The following IPCEF1 variants were observed in gnomAD, a reference collection of about 807,000 sequenced individuals.
IPCEF1 encodes interactor protein for cytohesin exchange factors 1.
In IPCEF1, 31 loss-of-function variants were observed where a neutral mutation model predicts 50.9. That is an observed-to-expected ratio of 0.61 (90% CI 0.46 to 0.82). IPCEF1 has a LOEUF of 0.82. IPCEF1 is among the 40% of genes least tolerant of loss of function. The probability of loss-of-function intolerance (pLI) is 0.00; values close to 1 mark genes in which losing one functional copy is unlikely to be tolerated. For missense variants in IPCEF1, 458 were observed against 514.0 expected, an observed-to-expected ratio of 0.89 and a Z score of 1.05; for synonymous variants, 181 against 192.0, an observed-to-expected ratio of 0.94 and a Z score of 0.47.
chr6:154,328,593 T>A (rs1039708243), intron 1 of IPCEF1, among the ~76,000 whole-genome samples: 126 of 145,646 alleles, frequency 8.7e-4, no homozygotes, highest in Non-Finnish European at 1.5e-3. Context: ...AAAAGAAAAT[T>A]AAAAAAAAAA....
intron 9 of IPCEF1, among the ~76,000 whole-genome samples, chr6:154,212,542 A>G (rs1396284607): frequency 2.0e-5 from 3 of 152,234 alleles, no homozygotes; most frequent in African/African-American, 7.2e-5. Context: ...TTCTCTGAGT[A>G]CGGTACATCT....
chr6:154,193,638 A>G (rs762430067), intron 10 of IPCEF1, among the ~76,000 whole-genome samples: 1 of 152,242 alleles, frequency 6.6e-6, no homozygotes, highest in Non-Finnish European at 1.5e-5. Flanking sequence ...ACAAGAAGTT[A>G]TAAGAAAGAG....
At chr6:154,223,112 C>T in intron 6 of IPCEF1, 58 bp downstream of exon 6, 2 of 1,299,432 alleles carry the variant, frequency 1.5e-6, no homozygotes, top group South Asian at 2.4e-5. Flanking sequence ...CCTTGGTGAA[C>T]ATTATGAAGA....
At chr6:154,216,540 T>C (rs1453623469) in intron 7 of IPCEF1, among the ~76,000 whole-genome samples, 1 of 152,192 alleles carries the variant, frequency 6.6e-6, no homozygotes, top group Admixed American at 6.5e-5. Context: ...TGAATTGGTA[T>C]GCATAGAAAA....
chr6:154,268,972 T>C (rs1781828788), intron 2 of IPCEF1, among the ~76,000 whole-genome samples: 1 of 152,178 alleles, frequency 6.6e-6, no homozygotes, highest in Admixed American at 6.5e-5. Flanking sequence ...TCATAGAAGT[T>C]TTCATCATTG....
intron 1 of IPCEF1, among the ~76,000 whole-genome samples, chr6:154,292,162 T>G (rs1205578806): frequency 6.6e-6 from 1 of 152,204 alleles, no homozygotes; most frequent in Non-Finnish European, 1.5e-5. Context: ...GACATGTTTT[T>G]GTAGAGTCCA....
At chr6:154,241,455 T>G (rs773599754) in intron 5 of IPCEF1, among the ~76,000 whole-genome samples, 1 of 152,158 alleles carries the variant, frequency 6.6e-6, no homozygotes, top group Non-Finnish European at 1.5e-5. Context: ...ACGGTGAATC[T>G]AAATGAAATT....
intron 10 of IPCEF1, among the ~76,000 whole-genome samples, chr6:154,174,013 AT>A (rs1800092064): frequency 6.6e-6 from 1 of 152,228 alleles, no homozygotes; most frequent in South Asian, 2.1e-4. Context: ...GTGGGGGCCA[AT>A]ATTCAACATT....
At chr6:154,231,510 G>A (rs909808987) in intron 5 of IPCEF1, among the ~76,000 whole-genome samples, 1 of 152,234 alleles carries the variant, frequency 6.6e-6, no homozygotes, top group Admixed American at 6.5e-5. Context: ...GGTGACAGTT[G>A]AATACACTGT....
intron 9 of IPCEF1, among the ~76,000 whole-genome samples, chr6:154,209,691 T>C (rs1450922614): frequency 1.3e-5 from 2 of 151,964 alleles, no homozygotes; most frequent in South Asian, 2.1e-4. Context: ...ATTTCATCTG[T>C]TTAAATAAAA....
intron 1 of IPCEF1, among the ~76,000 whole-genome samples, chr6:154,307,556 G>A (rs1023677154): frequency 6.6e-6 from 1 of 150,770 alleles, no homozygotes; most frequent in Non-Finnish European, 1.5e-5. Flanking sequence ...AATAGGGGTA[G>A]GAGGTGTGGA....
At chr6:154,304,310 G>C (rs1005022960) in intron 1 of IPCEF1, among the ~76,000 whole-genome samples, 20 of 152,114 alleles carry the variant, frequency 1.3e-4, no homozygotes, top group African/African-American at 4.6e-4. Context: ...TAGAACAAAA[G>C]TCTGCTCTTC....
intron 2 of IPCEF1, among the ~76,000 whole-genome samples, chr6:154,275,324 T>C (rs996142846): frequency 1.3e-5 from 2 of 152,182 alleles, no homozygotes; most frequent in Non-Finnish European, 2.9e-5. Flanking sequence ...ACAGGAAACA[T>C]TGGTAGCTCC....
At chr6:154,200,062 A>G in intron 9 of IPCEF1, 22 bp from the exon 10 acceptor site, 2 of 1,562,934 alleles carry the variant, frequency 1.3e-6, no homozygotes, top group Middle Eastern at 1.7e-4. Flanking sequence ...AAATAAAACC[A>G]AAAAAAGAAT....
rs1801935295 is a variant in IPCEF1, at chr6:154,192,024, T to TTTATTGTTGTATAGTAAAACAAC, written c.910+7643_910+7644insGTTGTTTTACTATACAACAATAA. ...CATTTATTGTTGTATAGTAAAACAATGGAGTACTATAAAACAATGAAAATG... is the reference window on the plus strand; with the variant it reads ...CATTTATTGTTGTATAGTAAAACAATTTATTGTTGTATAGTAAAACAACGGAGTACTATAAAACAATGAAAATG... On this transcript the variant is annotated intron_variant, in intron 10 of 11. Transcript: ENST00000367220. Among the ~76,000 whole-genome samples the TTTATTGTTGTATAGTAAAACAAC allele has an allele frequency of 3.9e-5, 6 of 152,124 alleles. No individual in the cohort carries two copies. The Middle Eastern group carries it at 0.014, about 345-fold the overall frequency.
At chr6:154,348,590 G>A (rs1784073347) in intron 1 of IPCEF1, among the ~76,000 whole-genome samples, 1 of 152,138 alleles carries the variant, frequency 6.6e-6, no homozygotes, top group Non-Finnish European at 1.5e-5. Flanking sequence ...CATATTATAT[G>A]GTCAGCATTC....
At chr6:154,344,653 AGAT>A (rs1783988968) in intron 1 of IPCEF1, among the ~76,000 whole-genome samples, 1 of 152,206 alleles carries the variant, frequency 6.6e-6, no homozygotes, top group Non-Finnish European at 1.5e-5. Context: ...CTACCATCAC[AGAT>A]GGCGCCAGGG....
At chr6:154,243,622 C>T (rs1780778033) in intron 5 of IPCEF1, among the ~76,000 whole-genome samples, 1 of 152,162 alleles carries the variant, frequency 6.6e-6, no homozygotes, top group Non-Finnish European at 1.5e-5. Context: ...GAGAGTTGCC[C>T]TAAATTTCAT....
intron 3 of IPCEF1, among the ~76,000 whole-genome samples, chr6:154,264,104 T>G (rs1286390374): frequency 6.6e-6 from 1 of 151,724 alleles, no homozygotes; most frequent in Non-Finnish European, 1.5e-5. Context: ...TTTGTTCCTC[T>G]TATTTATGCT....
Sources: allele counts gnomAD v4.1 joint callset (sites outside exome capture counted in the v4.1 genomes callset), GRCh38; gene constraint gnomAD v4.1.1; transcripts MANE v1.5; gene names NCBI Gene and HGNC (gene_info 2026-07-23, HGNC 2026-07-21).